The following PHACTR1 variants were observed in gnomAD, a reference collection of about 807,000 sequenced individuals.
PHACTR1 encodes the protein phosphatase and actin regulator 1.
Under a neutral mutation model 69.2 loss-of-function variants are expected in PHACTR1, and 16 were observed. The observed-to-expected ratio is 0.23, with a 90% confidence interval of 0.16 to 0.35. The LOEUF is 0.35. Ranked by LOEUF, PHACTR1 falls within the 10% of genes least tolerant of loss-of-function variation. The pLI, the probability that PHACTR1 is intolerant of heterozygous loss-of-function variation, is 1.00. For synonymous variants in PHACTR1, 312 were observed against 284.5 expected, an observed-to-expected ratio of 1.10 and a Z score of -0.97; for missense variants, 510 against 734.7, an observed-to-expected ratio of 0.69 and a Z score of 3.54.
intron 10 of PHACTR1, chr6:13,252,869 A>C (rs916011307): frequency 6.1e-5 from 18 of 295,326 alleles, no homozygotes; most frequent in Non-Finnish European, 1.1e-4. Context: ...GAATTATAGA[A>C]AACTTAGCAA....
chr6:13,133,215 CCCCCT>C (rs1820765349), intron 5 of PHACTR1, among the ~76,000 whole-genome samples: 5 of 28,626 alleles, frequency 1.7e-4, no homozygotes, highest in Admixed American at 3.3e-4. Flanking sequence ...CCCTCCCCCT[CCCCCT>C]CCCCCTCCCC....
At chr6:12,910,054 T>C (rs1786208536) in intron 4 of PHACTR1, among the ~76,000 whole-genome samples, 2 of 152,194 alleles carry the variant, frequency 1.3e-5, no homozygotes, top group African/African-American at 4.8e-5. Context: ...CTCCCTTGGC[T>C]CAGCTCCTTT....
At chr6:13,208,638 CA>C (rs1396076250) in intron 8 of PHACTR1, among the ~76,000 whole-genome samples, 6 of 150,982 alleles carry the variant, frequency 4.0e-5, no homozygotes, top group African/African-American at 1.5e-4. Context: ...CCCACCCCCC[CA>C]ACCCCATGTC....
intron 4 of PHACTR1, among the ~76,000 whole-genome samples, chr6:12,838,415 A>G (rs1778374105): frequency 6.6e-6 from 1 of 152,170 alleles, no homozygotes; most frequent in African/African-American, 2.4e-5. Flanking sequence ...TCCTAGATTG[A>G]AAGACCATAT....
intron 4 of PHACTR1, among the ~76,000 whole-genome samples, chr6:12,855,001 A>G (rs1444841343): frequency 1.3e-5 from 2 of 152,236 alleles, no homozygotes; most frequent in Non-Finnish European, 2.9e-5. Flanking sequence ...CTAAAAATAC[A>G]TAGAACTACA....
At chr6:13,256,687 C>T (rs1158187449) in intron 10 of PHACTR1, among the ~76,000 whole-genome samples, 1 of 152,248 alleles carries the variant, frequency 6.6e-6, no homozygotes, top group Admixed American at 6.5e-5. Flanking sequence ...AGGCACAGTG[C>T]AGCCAAGTTC....
At chr6:13,253,699 C>A (rs1254924059) in intron 10 of PHACTR1, among the ~76,000 whole-genome samples, 1 of 152,174 alleles carries the variant, frequency 6.6e-6, no homozygotes, top group East Asian at 1.9e-4. Context: ...CTCAGCAGAG[C>A]CTAAGCATGC....
rs542207041 is a variant in PHACTR1 at position 13,046,164 on chromosome 6, G to A, written c.251-7201G>A. ...CGTAATGGTTGCATCTGGGGTGTGG[G>A]TGTTGTTTTGTGTGGAATGTAAGTG... On this transcript the variant is annotated intron_variant, in intron 4 of 14. Coordinates refer to ENST00000332995, the MANE Select transcript of PHACTR1 (RefSeq NM_030948.6). Among the ~76,000 whole-genome samples the A allele has an allele frequency of 7.9e-5, 12 of 152,250 alleles. No homozygotes were observed. In the South Asian group the frequency reaches 2.5e-3, roughly 32 times the overall value.
At chr6:13,086,061 A>G (rs1812222345) in intron 5 of PHACTR1, among the ~76,000 whole-genome samples, 1 of 150,444 alleles carries the variant, frequency 6.6e-6, no homozygotes, top group Admixed American at 6.6e-5. Context: ...AATTGCCTAA[A>G]AATAAAGAAG....
At chr6:13,020,656 C>T (rs868849952) in intron 4 of PHACTR1, among the ~76,000 whole-genome samples, 2 of 152,108 alleles carry the variant, frequency 1.3e-5, no homozygotes, top group Non-Finnish European at 2.9e-5. Context: ...GTCAAGAGGC[C>T]AGAGGAGGGC....
At chr6:13,059,782 A>G (rs1026672195) in intron 5 of PHACTR1, among the ~76,000 whole-genome samples, 2 of 152,098 alleles carry the variant, frequency 1.3e-5, no homozygotes, top group African/African-American at 4.8e-5. Flanking sequence ...TTCCAATTTT[A>G]GGTGTGTAGA....
chr6:13,282,851 A>G lies in PHACTR1; in HGVS notation c.1510-571A>G, dbSNP rs191962007. ...ACAACAGGCGCCCACAGCCAAACAG[A>G]AAGACAAGCTTCTAGTAATGACTGG... On this transcript the variant is annotated intron_variant, in intron 12 of 14. Coordinates refer to ENST00000332995, the MANE Select transcript of PHACTR1 (RefSeq NM_030948.6). Among the ~76,000 whole-genome samples the G allele has an allele frequency of 1.6e-3, 246 of 152,192 alleles. 1 individual carries two copies. The highest frequency in any genetic ancestry group is 3.4e-3 in the Middle Eastern group (1 of 294).
intron 5 of PHACTR1, among the ~76,000 whole-genome samples, chr6:13,090,337 C>A (rs945677164): frequency 2.0e-5 from 3 of 151,018 alleles, no homozygotes; most frequent in Non-Finnish European, 4.4e-5. Flanking sequence ...TGAGCCACCC[C>A]ACCCCATCCA....
At chr6:13,093,390 G>A (rs1391422900) in intron 5 of PHACTR1, among the ~76,000 whole-genome samples, 1 of 152,150 alleles carries the variant, frequency 6.6e-6, no homozygotes, top group East Asian at 1.9e-4. Context: ...ATTGAGAATT[G>A]AGCCAAATGT....
chr6:12,769,953 C>A (rs1581670783), intron 4 of PHACTR1, among the ~76,000 whole-genome samples: 1 of 152,184 alleles, frequency 6.6e-6, no homozygotes, highest in African/African-American at 2.4e-5. Context: ...GGTAACTCAA[C>A]TTGGTGGGTA....
At chr6:12,933,931 T>A in intron 4 of PHACTR1, 1 of 1,606,518 alleles carries the variant, frequency 6.2e-7, no homozygotes. Flanking sequence ...GAAGGGAAAA[T>A]GCGGGTTGGC....
At chr6:13,234,541 A>G (rs539544715) in intron 10 of PHACTR1, among the ~76,000 whole-genome samples, 1 of 152,326 alleles carries the variant, frequency 6.6e-6, no homozygotes, top group African/African-American at 2.4e-5. Flanking sequence ...AAAGACCACG[A>G]TGTGTAGCAT....
chr6:12,922,539 C>T (rs1181478054), intron 4 of PHACTR1, among the ~76,000 whole-genome samples: 2 of 152,128 alleles, frequency 1.3e-5, no homozygotes, highest in Admixed American at 1.3e-4. Flanking sequence ...CATGGAACAG[C>T]TAGATCGTGT....
intron 7 of PHACTR1, among the ~76,000 whole-genome samples, chr6:13,193,061 T>C (rs1477305990): frequency 1.3e-5 from 2 of 152,110 alleles, no homozygotes; most frequent in African/African-American, 2.4e-5. Context: ...GTCATCCATA[T>C]TGGTCAAACT....
Sources: allele counts gnomAD v4.1 joint callset (sites outside exome capture counted in the v4.1 genomes callset), GRCh38; gene constraint gnomAD v4.1.1; transcripts MANE v1.5; gene names NCBI Gene and HGNC (gene_info 2026-07-23, HGNC 2026-07-21).